AASDH: variants seen among roughly 807,000 people sequenced by gnomAD.
AASDH encodes aminoadipate-semialdehyde dehydrogenase.
AASDH carries 81 observed loss-of-function variants against 102.3 expected under a neutral mutation model. The observed-to-expected ratio is 0.79, with a 90% confidence interval of 0.66 to 0.95. The LOEUF is 0.95. AASDH is among the 40% of genes least tolerant of loss of function. The pLI is 0.00. For missense variants in AASDH, 1,203 were observed against 1,266.2 expected (o/e 0.95, Z 0.76); for synonymous variants, 398 against 454.0 (o/e 0.88, Z 1.57).
chr4:56,384,235 A>G lies in AASDH; in HGVS notation c.65T>C (p.Phe22Ser), dbSNP rs774399951. The G allele has an allele frequency of 1.9e-6, 3 of 1,614,036 alleles. No individual in the cohort carries two copies. Among genetic ancestry groups the G allele is most frequent in the Non-Finnish European group, 2.5e-6 (3 of 1,180,026 alleles). ...SCYMDRVAVC[F>S]DECNNQLPVY... ...TGGAAGCTGGTTGTTGCATTCATCA[A>G]AACATACAGCTACTCTGTCCATATA... The change falls in exon 2 of 15, where the codon TTT becomes TCT. Residue 22 changes from phenylalanine to serine, a missense_variant. Coordinates refer to ENST00000205214, the MANE Select transcript of AASDH (RefSeq NM_181806.4).
chr4:56,373,806 AAGGTTAT>A (rs1277227915), intron 4 of AASDH, among the ~76,000 whole-genome samples: 1 of 136,662 alleles, frequency 7.3e-6, no homozygotes, highest in Non-Finnish European at 1.6e-5. Flanking sequence ...AAAAATGGGC[AAGGTTAT>A]GCATGCATAC....
intron 5 of AASDH, among the ~76,000 whole-genome samples, chr4:56,357,359 A>G (rs1288327413): frequency 6.6e-6 from 1 of 152,120 alleles, no homozygotes; most frequent in Admixed American, 6.6e-5. Context: ...CTTTTATAAG[A>G]GCACTAATCT....
intron 13 of AASDH, 92 bp from the exon 14 acceptor site, chr4:56,343,058 G>C: frequency 8.0e-7 from 1 of 1,251,796 alleles, no homozygotes; most frequent in Non-Finnish European, 1.0e-6. Flanking sequence ...CCTAGGGTTA[G>C]AACTAAAATA....
chr4:56,363,008 T>C (rs1288117590), intron 5 of AASDH, among the ~76,000 whole-genome samples: 1 of 152,098 alleles, frequency 6.6e-6, no homozygotes, highest in East Asian at 1.9e-4. Context: ...ACCTGGAAAA[T>C]CGGGTCACTC....
At position 56,384,144 on chromosome 4, in the gene AASDH, G is replaced by C; in HGVS notation, c.156C>G (p.His52Gln). 6.2e-7 allele frequency: 1 copy of C among 1,614,160 alleles called. No homozygotes were observed. The highest frequency in any genetic ancestry group is 8.5e-7 in the Non-Finnish European group (1 of 1,180,026). ...ASELSNFLLL[H>Q]CDFQGIREIG... Reference sequence around the variant, plus strand: ...TTTCCCGAATTCCTTGAAAGTCACAGTGTAACAGCAGAAAATTTGATAATT... The same window carrying C: ...TTTCCCGAATTCCTTGAAAGTCACACTGTAACAGCAGAAAATTTGATAATT... Residue 52 changes from histidine to glutamine, a missense_variant, in exon 2 of 15, where the codon CAC becomes CAG. Physicochemically the swap from His to Gln is conservative, Grantham distance 24. Coordinates refer to ENST00000205214, the MANE Select transcript of AASDH (RefSeq NM_181806.4).
chr4:56,387,013 T>C (rs1753646452), intron 1 of AASDH, among the ~76,000 whole-genome samples: 1 of 152,172 alleles, frequency 6.6e-6, no homozygotes, highest in African/African-American at 2.4e-5. Flanking sequence ...AACTTTATTT[T>C]CCCAATTCCC....
chr4:56,375,373 T>C (rs1336491874), intron 4 of AASDH, among the ~76,000 whole-genome samples: 2 of 152,198 alleles, frequency 1.3e-5, no homozygotes, highest in Admixed American at 6.5e-5. Context: ...AAGTCTAAAA[T>C]AGAAAATTTA....
chr4:56,345,047 T>A, intron 12 of AASDH, 80 bp downstream of exon 12: 1 of 1,403,604 alleles, frequency 7.1e-7, no homozygotes, highest in Non-Finnish European at 9.6e-7. Flanking sequence ...GTTCACGCAA[T>A]CCTCCCACCT....
rs1747134539 is a variant in AASDH at position 56,338,445 on chromosome 4, T to C, written c.3254A>G (p.Asn1085Ser). ...CAATAAATCCAGACAATAAACATAA[T>C]TATCTCTACACCCAATAATGAGCAT... The part of the protein sequence containing the change: ...ESMLIIGCRD[N>S]YVYCLDLLGG... The change falls in exon 15 of 15, where the codon AAT becomes AGT. Residue 1085 changes from asparagine (N) to serine (S), a missense_variant. Transcript: ENST00000205214. The C allele has an allele frequency of 1.2e-6, 2 of 1,613,820 alleles. No homozygotes were observed. The highest frequency in any genetic ancestry group is 1.3e-5 in the African/African-American group (1 of 74,912).
chr4:56,354,103 A>C lies in AASDH; in HGVS notation c.1319T>G (p.Leu440Trp), dbSNP rs148777026. The C allele has an allele frequency of 3.8e-4, 539 of 1,428,316 alleles. No homozygotes were observed. In the Admixed American group the frequency reaches 5.3e-3, roughly 14 times the overall value. The allele number at this position is 1,428,316 out of a possible 1,614,324, so 88.5% of individuals were successfully genotyped here. A position where few individuals can be genotyped will look rare whatever the true frequency, so the allele number is the denominator to read the frequency against. ...VTVKDGEIFF[L>W]GRKDSQIKRH... Reference sequence around the variant, plus strand: ...TTTGATCTGACTGTCTTTTCGTCCCAAAAAAAAAATCTCTCCATCTTTCAC... The same window carrying C: ...TTTGATCTGACTGTCTTTTCGTCCCCAAAAAAAAATCTCTCCATCTTTCAC... Residue 440 changes from leucine (L) to tryptophan (W), a missense_variant, in exon 8 of 15, where the codon TTG becomes TGG. Coordinates refer to ENST00000205214, the MANE Select transcript of AASDH (RefSeq NM_181806.4).
rs186692505 is a variant in AASDH, at chr4:56,374,989, G to A, written c.668+3159C>T. Among the ~76,000 whole-genome samples, 95 of 152,228 alleles carry A rather than the reference G, an allele frequency of 6.2e-4. 1 individual carries two copies. In the East Asian group the frequency reaches 0.018, roughly 28 times the overall value. ...AATTAGATTTCAAAATTTCAATAAA[G>A]GAAACCTAGTCCTTCCCTTTCTGGA... On this transcript the variant is annotated intron_variant, in intron 4 of 14. Transcript: ENST00000205214.
chr4:56,383,712 G>A (rs562210826), intron 2 of AASDH, among the ~76,000 whole-genome samples: 13 of 151,906 alleles, frequency 8.6e-5, no homozygotes, highest in South Asian at 4.2e-4. Context: ...TTTCAGTTGC[G>A]GACAAAAAAC....
chr4:56,345,037 G>A lies in AASDH; in HGVS notation c.2652+90C>T. The A allele has an allele frequency of 2.1e-6, 3 of 1,409,436 alleles. No individual in the cohort carries two copies. The South Asian group carries it at 4.0e-5, about 19-fold the overall frequency. 87.3% of individuals were successfully genotyped at this position (1,409,436 alleles called of 1,614,324 possible). Reference sequence around the variant, plus strand: ...GCTCACTGCAACCTCCACCTCCCAGGTTCACGCAATCCTCCCACCTCAGCC... The same window carrying A: ...GCTCACTGCAACCTCCACCTCCCAGATTCACGCAATCCTCCCACCTCAGCC... On this transcript the variant is annotated intron_variant, in intron 12 of 14. Transcript: ENST00000205214.
At chr4:56,339,150 TTTA>T (rs1212147994) in intron 14 of AASDH, among the ~76,000 whole-genome samples, 3 of 148,500 alleles carry the variant, frequency 2.0e-5, no homozygotes, top group Admixed American at 1.4e-4. Flanking sequence ...TTAATTTTTA[TTTA>T]TTATTATTAT....
intron 4 of AASDH, among the ~76,000 whole-genome samples, chr4:56,373,742 G>C (rs1752009587): frequency 6.6e-6 from 1 of 152,066 alleles, no homozygotes; most frequent in Non-Finnish European, 1.5e-5. Context: ...TTTCTAACAG[G>C]CTTCCAACAA....
intron 14 of AASDH, among the ~76,000 whole-genome samples, chr4:56,340,814 A>AC (rs1207353191): frequency 1.4e-4 from 22 of 152,280 alleles, no homozygotes; most frequent in Middle Eastern, 6.8e-3. Context: ...GAGGAACTCA[A>AC]ACAACACAAC....
chr4:56,386,650 G>A (rs1753584863), intron 1 of AASDH, among the ~76,000 whole-genome samples: 1 of 149,922 alleles, frequency 6.7e-6, no homozygotes, highest in African/African-American at 2.5e-5. Flanking sequence ...AAAATTAGCC[G>A]GGCGCGGTGG....
chr4:56,353,945 T>C (rs984867572), intron 8 of AASDH, 94 bp downstream of exon 8: 4 of 1,156,796 alleles, frequency 3.5e-6, no homozygotes, highest in Non-Finnish European at 4.7e-6. Flanking sequence ...AAATGTCAGG[T>C]GTAAATAATA....
intron 1 of AASDH, among the ~76,000 whole-genome samples, chr4:56,384,984 G>A (rs1258088527): frequency 6.6e-6 from 1 of 152,156 alleles, no homozygotes; most frequent in Admixed American, 6.5e-5. Context: ...TGAGGCAGGC[G>A]AATCACTTGA....
Sources: gnomAD v4.1 joint callset for allele counts (sites outside exome capture counted in the v4.1 genomes callset) on GRCh38, gnomAD v4.1.1 for gene constraint, MANE v1.5 for transcripts, NCBI Gene and HGNC (gene_info 2026-07-23, HGNC 2026-07-21) for gene names.